Variants in CFAP20DC observed in about 807,000 individuals in gnomAD.
CFAP20DC encodes protein CFAP20DC.
Under a neutral mutation model 101.7 loss-of-function variants are expected in CFAP20DC, and 84 were observed. That is an observed-to-expected ratio of 0.83 (90% CI 0.69 to 0.99). The LOEUF (loss-of-function observed/expected upper bound fraction) is 0.99. Ranked by LOEUF, CFAP20DC falls within the 50% of genes least tolerant of loss-of-function variation. The probability of loss-of-function intolerance (pLI) is 0.00; values close to 1 mark genes in which losing one functional copy is unlikely to be tolerated. For missense variants in CFAP20DC, 1,007 were observed against 970.3 expected (o/e 1.04, Z -0.50); for synonymous variants, 359 against 351.2 (o/e 1.02, Z -0.25).
intron 6 of CFAP20DC, among the ~76,000 whole-genome samples, chr3:58,903,472 T>C (rs1192156022): frequency 6.6e-6 from 1 of 152,306 alleles, no homozygotes; most frequent in East Asian, 1.9e-4. Context: ...CTTCTCAGGC[T>C]GCTATGAAGA....
intron 1 of CFAP20DC, among the ~76,000 whole-genome samples, 185 bp downstream of exon 1, chr3:59,049,426 C>T (rs910029340): frequency 3.9e-5 from 6 of 152,164 alleles, no homozygotes; most frequent in Non-Finnish European, 8.8e-5. Context: ...CCAAATCATA[C>T]GCCTAGACAT....
intron 3 of CFAP20DC, 46 bp from the exon 4 acceptor site, chr3:59,039,675 A>G (rs1182385695): frequency 8.4e-7 from 1 of 1,192,150 alleles, no homozygotes; most frequent in Non-Finnish European, 1.2e-6. Context: ...AAGCATTTAT[A>G]TGTGCATATA....
chr3:58,750,821 T>G (rs2068513685), intron 16 of CFAP20DC, among the ~76,000 whole-genome samples: 1 of 152,222 alleles, frequency 6.6e-6, no homozygotes, highest in African/African-American at 2.4e-5. Flanking sequence ...ATATGAGATT[T>G]CACTTGAAAG....
At chr3:58,810,958 C>CT (rs1203860478) in intron 14 of CFAP20DC, among the ~76,000 whole-genome samples, 5 of 152,014 alleles carry the variant, frequency 3.3e-5, no homozygotes, top group African/African-American at 1.2e-4. Context: ...TGCACAATTG[C>CT]TTCAAAGAGA....
intron 14 of CFAP20DC, among the ~76,000 whole-genome samples, chr3:58,815,887 T>C (rs1476750192): frequency 2.2e-4 from 34 of 151,142 alleles, no homozygotes; most frequent in African/African-American, 7.4e-4. Context: ...TGTGGAGAAA[T>C]AGGAACACTT....
chr3:58,832,112 C>CAG (rs35439012), intron 13 of CFAP20DC, among the ~76,000 whole-genome samples: 18,286 of 152,072 alleles, frequency 0.12, 1,985 homozygotes, highest in East Asian at 0.35. Context: ...TCAAAAGCAT[C>CAG]AGTCCTCTCT....
chr3:58,893,083 G>A lies in CFAP20DC; in HGVS notation c.551-8374C>T, dbSNP rs151079767. ...TTTTGAGATGGAGTCTCGCTCAGTC[G>A]CCCAGGCTGGAGTGCAGTGGTGCAA... On this transcript the variant is annotated intron_variant, in intron 6 of 16. Coordinates refer to ENST00000482387, the MANE Select transcript of CFAP20DC (RefSeq NM_001394063.1). Among the ~76,000 whole-genome samples the A allele has an allele frequency of 7.0e-3, 1,029 of 147,316 alleles. 14 individuals carry two copies. The highest frequency in any genetic ancestry group is 0.025 in the African/African-American group (980 of 39,826).
rs929325499 is a variant in CFAP20DC, at chr3:58,788,777, C to T, written c.2237+17618G>A. Among the ~76,000 whole-genome samples the T allele has an allele frequency of 2.2e-4, 34 of 152,224 alleles. No homozygotes were observed. Among genetic ancestry groups the T allele is most frequent in the African/African-American group, 8.2e-4 (34 of 41,548 alleles). On this transcript the variant is annotated intron_variant, in intron 15 of 16. Coordinates refer to ENST00000482387, the MANE Select transcript of CFAP20DC (RefSeq NM_001394063.1). This position sits in a 1 kb window ranked among gnomAD's most constrained non-coding sequence, Gnocchi z 4.2. The stretch of plus-strand genomic sequence containing the variant: ...CCAAACTCTGTGTCTCTTGTTTCCA[C>T]ATCTGGAATATGGGAATAAGAGAAC...
intron 6 of CFAP20DC, 40 bp from the exon 7 acceptor site, chr3:58,884,749 C>T: frequency 2.0e-6 from 3 of 1,531,230 alleles, no homozygotes; most frequent in South Asian, 1.2e-5. Context: ...AAATGTAAGC[C>T]ATTTCTGCCA....
chr3:58,900,362 T>C (rs2083046470), intron 6 of CFAP20DC, among the ~76,000 whole-genome samples: 1 of 152,232 alleles, frequency 6.6e-6, no homozygotes, highest in African/African-American at 2.4e-5. Flanking sequence ...ACGTCTTCCC[T>C]TTTCTTCCTT....
chr3:58,814,268 G>A (rs1274597737), intron 14 of CFAP20DC, among the ~76,000 whole-genome samples: 4 of 151,858 alleles, frequency 2.6e-5, no homozygotes, highest in African/African-American at 4.9e-5. Flanking sequence ...AATAGAAGTG[G>A]TTACAGAATC....
chr3:58,764,567 C>G (rs759053240), intron 15 of CFAP20DC, among the ~76,000 whole-genome samples: 1 of 152,154 alleles, frequency 6.6e-6, no homozygotes, highest in Non-Finnish European at 1.5e-5. Flanking sequence ...GAGATGAACC[C>G]GGTACCTCAG....
intron 6 of CFAP20DC, among the ~76,000 whole-genome samples, chr3:58,906,434 C>G (rs1296556486): frequency 6.6e-6 from 1 of 152,080 alleles, no homozygotes; most frequent in African/African-American, 2.4e-5. Flanking sequence ...TTATGTCAAC[C>G]CAAATATGCA....
chr3:58,730,642 C>T (rs183634104), intron 3 of CFAP20DC, among the ~76,000 whole-genome samples: 30 of 152,260 alleles, frequency 2.0e-4, no homozygotes, highest in Admixed American at 1.8e-3. Flanking sequence ...CATTTGCCAT[C>T]CGTTGAGGTA....
chr3:58,975,326 T>C (rs982830903), intron 4 of CFAP20DC, among the ~76,000 whole-genome samples: 5 of 152,206 alleles, frequency 3.3e-5, no homozygotes, highest in Admixed American at 3.3e-4. Flanking sequence ...TTTTCTGTCT[T>C]CTCCTCCAGA....
intron 3 of CFAP20DC, 113 bp from the exon 4 acceptor site, chr3:59,039,742 A>G (rs2094165244): frequency 1.7e-6 from 1 of 588,860 alleles, no homozygotes; most frequent in Non-Finnish European, 2.9e-6. Flanking sequence ...TCAGTAATAC[A>G]TAGAACTGCA....
intron 7 of CFAP20DC, among the ~76,000 whole-genome samples, chr3:58,881,830 A>C (rs890041953): frequency 3.3e-5 from 5 of 152,162 alleles, no homozygotes; most frequent in African/African-American, 7.2e-5. Flanking sequence ...AAATGAAGAA[A>C]TATCTCTTGG....
chr3:59,039,744 A>G, intron 3 of CFAP20DC, 115 bp from the exon 4 acceptor site: 2 of 576,094 alleles, frequency 3.5e-6, no homozygotes, highest in Non-Finnish European at 2.9e-6. Flanking sequence ...AGTAATACAT[A>G]GAACTGCAAA....
At chr3:59,013,502 C>T (rs1052295910) in intron 4 of CFAP20DC, among the ~76,000 whole-genome samples, 5 of 152,124 alleles carry the variant, frequency 3.3e-5, no homozygotes, top group Non-Finnish European at 7.4e-5. Flanking sequence ...TGGAAGTTTA[C>T]CTAAATTCAT....
Sources: allele counts gnomAD v4.1 joint callset (sites outside exome capture counted in the v4.1 genomes callset), GRCh38; gene constraint gnomAD v4.1.1; non-coding constraint Gnocchi (gnomAD v3.1); transcripts MANE v1.5; gene names NCBI Gene and HGNC (gene_info 2026-07-23, HGNC 2026-07-21).